Variants in PACRGL observed in about 807,000 individuals in gnomAD.
The protein encoded by PACRGL is PACRG-like protein.
Under a neutral mutation model 34.5 loss-of-function variants are expected in PACRGL, and 38 were observed. The observed-to-expected ratio is 1.10, with a 90% CI of 0.85 to 1.44. The LOEUF is 1.44. Ranked by LOEUF, PACRGL falls within the 40% of genes most tolerant of loss-of-function variation. The probability of loss-of-function intolerance (pLI) is 0.00; values close to 1 mark genes in which losing one functional copy is unlikely to be tolerated. For synonymous variants in PACRGL, 128 were observed against 100.1 expected (o/e 1.28, Z -1.66); for missense variants, 305 against 281.4 (o/e 1.08, Z -0.60).
At chr4:20,696,964 A>G (rs2149011742), upstream of PACRGL, among the ~76,000 whole-genome samples, 1 of 152,368 alleles carries the variant, frequency 6.6e-6, no homozygotes, top group East Asian at 1.9e-4. Context: ...ATATACCACT[A>G]AAATTACTTT....
chr4:20,699,218 A>G (rs960836333), upstream of PACRGL, among the ~76,000 whole-genome samples: 3 of 136,860 alleles, frequency 2.2e-5, no homozygotes, highest in African/African-American at 5.7e-5. Context: ...GATACAGGAT[A>G]TAAGATTTTT....
the PACRGL span, chr4:20,766,884 G>A: frequency 2.6e-5 from 4 of 151,542 alleles, no homozygotes; most frequent in Non-Finnish European, 5.9e-5. Flanking sequence ...TCTGCCACTT[G>A]GGAGCTGTGT....
chr4:20,752,425 ACT>A (rs1399199319), intron 8 of PACRGL: 2 of 152,172 alleles, frequency 1.3e-5, no homozygotes, highest in Admixed American at 6.5e-5. Context: ...AATCCTATAT[ACT>A]TATTAAAATT....
Position 20,728,422 on chromosome 4 carries a change from A to G in PACRGL, c.*1081A>G, listed in dbSNP as rs1746676395. On this transcript the variant is annotated 3_prime_UTR_variant, in exon 9 of 9. Transcript: ENST00000503585. The stretch of plus-strand genomic sequence containing the variant: ...GAAGCTTTTAAAATATAATATAGAC[A>G]TAGTTCAGAATTTTGATGTAATAGA... 1 of 152,184 alleles carries G rather than the reference A, an allele frequency of 6.6e-6. No homozygotes were observed. Among genetic ancestry groups the G allele is most frequent in the Admixed American group, 6.5e-5 (1 of 15,276 alleles). 9.4% of individuals were successfully genotyped at this position (152,184 alleles called of 1,614,324 possible).
intron 1 of PACRGL, among the ~76,000 whole-genome samples, chr4:20,703,658 A>C (rs1373871819): frequency 6.6e-6 from 1 of 152,178 alleles, no homozygotes. Flanking sequence ...CTGGGTGAGT[A>C]ACTTGAGAGA....
intron 4 of PACRGL, among the ~76,000 whole-genome samples, chr4:20,708,792 G>A (rs938747175): frequency 4.6e-5 from 7 of 151,984 alleles, no homozygotes; most frequent in Admixed American, 2.6e-4. Flanking sequence ...GAGTGTATTC[G>A]TACATAAAAA....
chr4:20,766,776 G>C, the PACRGL span: 21 of 152,256 alleles, frequency 1.4e-4, no homozygotes, highest in African/African-American at 5.1e-4. Flanking sequence ...CCATACAATA[G>C]CTGGTAATTT....
rs547612206 is a variant in PACRGL, at chr4:20,744,466, A to G, written c.*57-8099A>G. 2.8e-3 allele frequency among the ~76,000 whole-genome samples: 419 copies of G among 151,532 alleles called. 6 individuals carry two copies. The highest frequency in any genetic ancestry group is 9.9e-3 in the African/African-American group (405 of 40,852). ...AAAAGGATGAGTTCATGTCCTTTGT[A>G]GGGACATGGATGAAGCTGGAAACCA... On this transcript the variant is annotated intron_variant, in intron 8 of 8. Coordinates refer to the PACRGL transcript ENST00000507634.
At position 20,729,896 on chromosome 4, in the gene PACRGL, A is replaced by G. The variant is rs1747519111; in HGVS notation, c.*2555A>G. On this transcript the variant is annotated 3_prime_UTR_variant, in exon 9 of 9. Transcript: ENST00000503585. ...TCCCCTGAACTCAGTGGCATTATGA[A>G]AAGGATGCAAATTTATAACTGAAAG... The G allele has an allele frequency of 1.8e-6, 1 of 558,550 alleles. No homozygotes were observed. The highest frequency in any genetic ancestry group is 3.3e-5 in the East Asian group (1 of 30,684). 34.6% of individuals were successfully genotyped at this position (558,550 alleles called of 1,614,324 possible). A position where few individuals can be genotyped will look rare whatever the true frequency, so the allele number is the denominator to read the frequency against.
At chr4:20,739,391 G>A (rs1372658042) in intron 8 of PACRGL, among the ~76,000 whole-genome samples, 2 of 152,164 alleles carry the variant, frequency 1.3e-5, no homozygotes, top group African/African-American at 4.8e-5. Context: ...GCTTCCAGAG[G>A]AAGGATCAGG....
intron 5 of PACRGL, 51 bp downstream of exon 5, chr4:20,709,824 G>A: frequency 1.4e-6 from 2 of 1,418,248 alleles, no homozygotes; most frequent in Non-Finnish European, 2.0e-6. Flanking sequence ...ATTAAAAATT[G>A]CATTAAATGC....
At chr4:20,724,669 A>C in intron 7 of PACRGL, 139 bp from the exon 8 acceptor site, 1 of 428,164 alleles carries the variant, frequency 2.3e-6, no homozygotes, top group South Asian at 7.6e-5. Context: ...TACCTTATAC[A>C]TGTAAATTTC....
At chr4:20,706,701 G>T (rs1046532419) in intron 3 of PACRGL, among the ~76,000 whole-genome samples, 3 of 151,386 alleles carry the variant, frequency 2.0e-5, no homozygotes, top group Non-Finnish European at 4.4e-5. Context: ...TCAGCCTCCC[G>T]AGTAGCTGGG....
At chr4:20,733,096 A>T (rs1748737188), downstream of PACRGL, among the ~76,000 whole-genome samples, 1 of 152,200 alleles carries the variant, frequency 6.6e-6, no homozygotes, top group Admixed American at 6.5e-5. Flanking sequence ...GACTTTAAGT[A>T]GACTATGTTT....
downstream of PACRGL, among the ~76,000 whole-genome samples, chr4:20,734,116 G>C (rs988826768): frequency 6.6e-6 from 1 of 152,176 alleles, no homozygotes; most frequent in East Asian, 1.9e-4. Flanking sequence ...TTTACTTCTC[G>C]CTGTGTTTTA....
At chr4:20,734,034 C>T (rs1749006922), downstream of PACRGL, among the ~76,000 whole-genome samples, 1 of 152,160 alleles carries the variant, frequency 6.6e-6, no homozygotes, top group African/African-American at 2.4e-5. Flanking sequence ...TGAGAATGCC[C>T]AGGATTTAGG....
chr4:20,705,625 CACTT>C (rs1232269733), intron 3 of PACRGL, among the ~76,000 whole-genome samples: 2 of 152,070 alleles, frequency 1.3e-5, no homozygotes, highest in East Asian at 3.9e-4. Context: ...TTGTTGCTCT[CACTT>C]CCTTTGCTTA....
At chr4:20,747,909 C>T (rs1316138760) in intron 8 of PACRGL, among the ~76,000 whole-genome samples, 3 of 152,220 alleles carry the variant, frequency 2.0e-5, no homozygotes, top group African/African-American at 7.2e-5. Context: ...TGCCTACGCC[C>T]ATATGAACTT....
In PACRGL at chr4:20,728,303, A is replaced by G. The variant is rs769470828; in HGVS notation, c.*962A>G. The G allele has an allele frequency of 2.0e-5, 3 of 152,230 alleles. No homozygotes were observed. Among genetic ancestry groups the G allele is most frequent in the African/African-American group, 4.8e-5 (2 of 41,464 alleles). 9.4% of individuals were successfully genotyped at this position (152,230 alleles called of 1,614,324 possible). On this transcript the variant is annotated 3_prime_UTR_variant, in exon 9 of 9. Transcript: ENST00000503585. ...TTTTTGCATTTCATAGCCAGAAAAT[A>G]CTGATGTTCACTTAAAGATATTCAG...
Sources: allele counts gnomAD v4.1 joint callset (sites outside exome capture counted in the v4.1 genomes callset), GRCh38; gene constraint gnomAD v4.1.1; transcripts MANE v1.5; gene names NCBI Gene and HGNC (gene_info 2026-07-23, HGNC 2026-07-21).